Variants in JAKMIP3 observed in about 807,000 individuals in gnomAD.
The protein encoded by JAKMIP3 is janus kinase and microtubule-interacting protein 3.
Under a neutral mutation model 118.5 loss-of-function variants are expected in JAKMIP3, and 58 were observed. That is an observed-to-expected ratio of 0.49 (90% confidence interval 0.40 to 0.61). The LOEUF (loss-of-function observed/expected upper bound fraction) is 0.61. Ranked by LOEUF, JAKMIP3 falls within the 20% of genes least tolerant of loss-of-function variation. The pLI, the probability that JAKMIP3 is intolerant of heterozygous loss-of-function variation, is 0.00. For missense variants in JAKMIP3, 950 were observed against 1,109.0 expected (o/e 0.86, Z 2.04); for synonymous variants, 486 against 451.2 (o/e 1.08, Z -0.98).
chr10:132,108,445 C>T (rs908664918), intron 2 of JAKMIP3, among the ~76,000 whole-genome samples: 6 of 152,156 alleles, frequency 3.9e-5, no homozygotes, highest in Non-Finnish European at 8.8e-5. Flanking sequence ...TCCTCAGCTT[C>T]CAGGGTGTGC....
chr10:132,055,269 C>G (rs1187051384), intron 1 of JAKMIP3, among the ~76,000 whole-genome samples: 1 of 152,136 alleles, frequency 6.6e-6, no homozygotes, highest in Non-Finnish European at 1.5e-5. Flanking sequence ...TACAAATAAA[C>G]CCCAGAAAGA....
At chr10:132,140,082 G>C (rs2053175061) in intron 9 of JAKMIP3, among the ~76,000 whole-genome samples, 1 of 152,232 alleles carries the variant, frequency 6.6e-6, no homozygotes. Flanking sequence ...AAATGGAACA[G>C]AAATGCATCA....
intron 1 of JAKMIP3, among the ~76,000 whole-genome samples, chr10:132,081,421 A>G (rs901096230): frequency 2.6e-5 from 4 of 152,138 alleles, no homozygotes; most frequent in African/African-American, 9.7e-5. Context: ...TGTCCAGTTA[A>G]CTCAGCACTA....
chr10:132,082,530 C>A (rs1274054695), intron 1 of JAKMIP3, among the ~76,000 whole-genome samples: 1 of 152,162 alleles, frequency 6.6e-6, no homozygotes, highest in Non-Finnish European at 1.5e-5. Context: ...TCTACAGTCT[C>A]CTCCAGGTTG....
rs1176988895 is a variant in JAKMIP3 at position 132,036,732 on chromosome 10, AGCCTCGGTGAGCAGCGGCCGGGGTGGG to A, written c.-140_-138+24del. 6.6e-6 allele frequency among the ~76,000 whole-genome samples: 1 copy of A among 150,494 alleles called. No homozygotes were observed. Among genetic ancestry groups the A allele is most frequent in the African/African-American group, 2.4e-5 (1 of 41,144 alleles). On this transcript the variant is annotated splice_donor_variant and splice_donor_5th_base_variant and 5_prime_UTR_variant and intron_variant, in exon 1 of 24. Transcript: ENST00000657785. LOFTEE classifies it low-confidence loss of function (5UTR_SPLICE). ...ACGCCGCCCAGAGTCGCTCGCGGGG[AGCCTCGGTGAGCAGCGGCCGGGGTGGG>A]GCCGCGACCGGGGGCCGGGCCTCTG...
intron 1 of JAKMIP3, among the ~76,000 whole-genome samples, 153 bp downstream of exon 1, chr10:132,066,214 T>A (rs1589733009): frequency 6.6e-6 from 1 of 152,144 alleles, no homozygotes; most frequent in Admixed American, 6.5e-5. Flanking sequence ...CTCTGAGGGG[T>A]GCAGGGACGA....
chr10:132,143,594 G>C (rs187417394), intron 11 of JAKMIP3: 116 of 152,342 alleles, frequency 7.6e-4, no homozygotes, highest in African/African-American at 2.6e-3. Flanking sequence ...CTGATGCCGA[G>C]AAGTGCTGCA....
intron 6 of JAKMIP3, among the ~76,000 whole-genome samples, chr10:132,136,413 C>T (rs755610467): frequency 6.6e-6 from 1 of 152,168 alleles, no homozygotes; most frequent in Admixed American, 6.5e-5. Flanking sequence ...TGCGGAGTCC[C>T]GGCTGTTGGG....
At chr10:132,175,387 A>G (rs2060048172) in intron 23 of JAKMIP3, among the ~76,000 whole-genome samples, 1 of 152,026 alleles carries the variant, frequency 6.6e-6, no homozygotes, top group Non-Finnish European at 1.5e-5. Context: ...CCTTTTTGTT[A>G]TTAAAGTCCC....
intron 22 of JAKMIP3, 87 bp downstream of exon 22, chr10:132,167,142 C>T: frequency 1.1e-6 from 1 of 916,060 alleles, no homozygotes; most frequent in Non-Finnish European, 1.7e-6. Flanking sequence ...GGGAGTTGCC[C>T]ACCTGCCATT....
chr10:132,116,590 A>C (rs1318050209), intron 2 of JAKMIP3, among the ~76,000 whole-genome samples: 4 of 16,036 alleles, frequency 2.5e-4, no homozygotes, highest in Non-Finnish European at 4.9e-4. Flanking sequence ...CCCCGAATAC[A>C]CATTCAGATG....
chr10:132,136,573 G>A (rs1028330905), intron 6 of JAKMIP3, among the ~76,000 whole-genome samples: 2 of 152,238 alleles, frequency 1.3e-5, no homozygotes, highest in African/African-American at 4.8e-5. Flanking sequence ...TGAAGCCAGA[G>A]TTTACTCAAT....
chr10:132,100,197 A>G (rs9419362), intron 1 of JAKMIP3, among the ~76,000 whole-genome samples: 92,430 of 151,004 alleles, frequency 0.61, 28,538 homozygotes, highest in East Asian at 0.7. Flanking sequence ...AGACCCCCAC[A>G]CAGGTCCCTC....
Position 132,168,165 on chromosome 10 carries a change from G to A in JAKMIP3, c.*235G>A. On this transcript the variant is annotated 3_prime_UTR_variant, in exon 23 of 24. Transcript: ENST00000684848. ...AACTGGCTCTGCCGACTTCTCGGGG[G>A]CTTCTCCGGGACGGGCCTGGCCTTG... 1 of 1,286,132 alleles carries A rather than the reference G, an allele frequency of 7.8e-7. No individual in the cohort carries two copies. The highest frequency in any genetic ancestry group is 1.0e-6 in the Non-Finnish European group (1 of 986,790). The allele number at this position is 1,286,132 out of a possible 1,614,324, so 79.7% of individuals were successfully genotyped here.
chr10:132,098,905 G>A (rs79955492), intron 1 of JAKMIP3, among the ~76,000 whole-genome samples: 2 of 152,236 alleles, frequency 1.3e-5, no homozygotes, highest in Non-Finnish European at 2.9e-5. Context: ...AGCCTCCTCA[G>A]GGTGTTCTTA....
At chr10:132,167,856 ACCCCTCGGCCCTCG>A (rs1252221611) in intron 22 of JAKMIP3, 83 bp from the exon 23 acceptor site, 3 of 338,470 alleles carry the variant, frequency 8.9e-6, no homozygotes, top group African/African-American at 7.2e-5. Flanking sequence ...CTCGCCCCTC[ACCCCTCGGCCCTCG>A]CCCCTCGCCC....
In JAKMIP3 at chr10:132,090,353, G is replaced by A. The variant is rs188447199; in HGVS notation, c.-137-14319G>A. 3.7e-3 allele frequency among the ~76,000 whole-genome samples: 567 copies of A among 152,202 alleles called. 2 individuals carry two copies. Among genetic ancestry groups the A allele is most frequent in the African/African-American group, 0.013 (519 of 41,520 alleles). On this transcript the variant is annotated intron_variant, in intron 1 of 23. Transcript: ENST00000684848. ...TCCATCTGGTCTTGGACTTTTTTTGGTTGGTAAGCTATTAATTATTGCCTC... is the reference window on the plus strand; with the variant it reads ...TCCATCTGGTCTTGGACTTTTTTTGATTGGTAAGCTATTAATTATTGCCTC...
chr10:132,085,511 T>G (rs1329521894), intron 1 of JAKMIP3, among the ~76,000 whole-genome samples: 2 of 151,912 alleles, frequency 1.3e-5, no homozygotes, highest in South Asian at 2.1e-4. Context: ...CTCTTTTTTT[T>G]TTTTTGTGAG....
At chr10:132,078,581 C>A (rs530175549) in intron 1 of JAKMIP3, among the ~76,000 whole-genome samples, 3 of 150,460 alleles carry the variant, frequency 2.0e-5, no homozygotes, top group Non-Finnish European at 4.4e-5. Context: ...GCATAACACG[C>A]CCCCTTTCCC....
Sources: gnomAD v4.1 joint callset for allele counts (sites outside exome capture counted in the v4.1 genomes callset) on GRCh38, gnomAD v4.1.1 for gene constraint, MANE v1.5 for transcripts, NCBI Gene and HGNC (gene_info 2026-07-23, HGNC 2026-07-21) for gene names.